Variants in OPCML observed in about 807,000 individuals in gnomAD.
OPCML encodes the protein opioid binding protein/cell adhesion molecule like, also known as opioid-binding protein/cell adhesion molecule.
A neutral mutation model predicts 37.8 loss-of-function variants in OPCML; 13 were observed. That is an observed-to-expected ratio of 0.34 (90% confidence interval 0.22 to 0.55). The LOEUF (loss-of-function observed/expected upper bound fraction) is 0.55. Among genes scored for constraint, OPCML ranks in the 20% least tolerant of loss-of-function variants. The probability of loss-of-function intolerance (pLI) is 0.91; values close to 1 mark genes in which losing one functional copy is unlikely to be tolerated. For synonymous variants in OPCML, 176 were observed against 168.8 expected (o/e 1.04, Z -0.33); for missense variants, 341 against 435.6 (o/e 0.78, Z 1.93).
chr11:133,218,535 G>A (rs1540560), intron 1 of OPCML, among the ~76,000 whole-genome samples: 32,575 of 152,076 alleles, frequency 0.21, 3,977 homozygotes, highest in East Asian at 0.35. Flanking sequence ...AAACAAAGAC[G>A]GTGAACTAGT....
chr11:133,503,350 G>C (rs1947957321), intron 1 of OPCML, among the ~76,000 whole-genome samples: 1 of 152,114 alleles, frequency 6.6e-6, no homozygotes, highest in Admixed American at 6.5e-5. Context: ...GAAACATGCA[G>C]GGTCAGCGGA....
intron 3 of OPCML, among the ~76,000 whole-genome samples, chr11:132,552,501 GTTTGT>G (rs1236065360): frequency 6.6e-6 from 1 of 152,066 alleles, no homozygotes. Context: ...GTTATTGTTT[GTTTGT>G]TTTGTTTGAC....
intron 3 of OPCML, among the ~76,000 whole-genome samples, chr11:132,557,081 C>G (rs1591546465): frequency 6.6e-6 from 1 of 152,152 alleles, no homozygotes; most frequent in South Asian, 2.1e-4. Context: ...TATTCTTACC[C>G]TAGTTGACTG....
intron 1 of OPCML, among the ~76,000 whole-genome samples, chr11:133,145,998 T>A (rs1052093445): frequency 2.6e-5 from 4 of 152,202 alleles, no homozygotes; most frequent in Non-Finnish European, 5.9e-5. Flanking sequence ...GGTAGCCCTG[T>A]GATAATGTCT....
chr11:133,217,746 G>A (rs926516204), intron 1 of OPCML, among the ~76,000 whole-genome samples: 4 of 152,134 alleles, frequency 2.6e-5, no homozygotes, highest in African/African-American at 9.7e-5. Flanking sequence ...TCAATACCAG[G>A]TTCCTGCCAA....
intron 1 of OPCML, among the ~76,000 whole-genome samples, chr11:133,135,223 A>G (rs1949669197): frequency 6.6e-6 from 1 of 152,212 alleles, no homozygotes. Context: ...ATAACAATAA[A>G]TAACAGCTGA....
chr11:133,467,926 A>T (rs748000589), intron 1 of OPCML, among the ~76,000 whole-genome samples: 2 of 152,190 alleles, frequency 1.3e-5, no homozygotes, highest in Non-Finnish European at 2.9e-5. Flanking sequence ...TCATTTGTAT[A>T]ATAGGAGATC....
At chr11:133,223,860 C>T (rs993912282) in intron 1 of OPCML, among the ~76,000 whole-genome samples, 2 of 152,324 alleles carry the variant, frequency 1.3e-5, no homozygotes, top group African/African-American at 4.8e-5. Context: ...ACATCTGACC[C>T]ACCAGCTCCT....
chr11:133,046,052 GA>G (rs1399732139), intron 1 of OPCML, among the ~76,000 whole-genome samples: 1 of 152,162 alleles, frequency 6.6e-6, no homozygotes, highest in African/African-American at 2.4e-5. Context: ...AGTTGCGACT[GA>G]AAGCTGAGGT....
chr11:133,328,157 ATTTT>A (rs533894891), intron 1 of OPCML, among the ~76,000 whole-genome samples: 1 of 138,270 alleles, frequency 7.2e-6, no homozygotes. Flanking sequence ...GTGTGTTTTA[ATTTT>A]TTTTTTTTTT....
chr11:132,813,481 A>G (rs916439748), intron 2 of OPCML, among the ~76,000 whole-genome samples: 11 of 152,200 alleles, frequency 7.2e-5, no homozygotes, highest in Non-Finnish European at 1.5e-4. Flanking sequence ...GGACACTACC[A>G]ATGCAAGAGA....
intron 1 of OPCML, among the ~76,000 whole-genome samples, chr11:133,122,653 T>G (rs563647658): frequency 1.1e-4 from 16 of 152,106 alleles, no homozygotes; most frequent in African/African-American, 3.9e-4. Context: ...AAAATATACT[T>G]CCCCTCCCTA....
intron 1 of OPCML, among the ~76,000 whole-genome samples, chr11:133,451,102 T>C (rs550679508): frequency 6.6e-6 from 1 of 151,770 alleles, no homozygotes; most frequent in Non-Finnish European, 1.5e-5. Flanking sequence ...AACTCAAAAA[T>C]AGTTGTAAAA....
intron 2 of OPCML, among the ~76,000 whole-genome samples, chr11:132,766,833 G>T (rs887480924): frequency 8.6e-5 from 13 of 151,950 alleles, no homozygotes; most frequent in African/African-American, 3.1e-4. Context: ...TAGCAAAAAT[G>T]GAAAATTCTG....
At chr11:133,342,439 A>G (rs1456337574) in intron 1 of OPCML, among the ~76,000 whole-genome samples, 2 of 152,190 alleles carry the variant, frequency 1.3e-5, no homozygotes, top group Non-Finnish European at 2.9e-5. Context: ...CTACCTGTAC[A>G]TAGAGCAGGG....
chr11:132,701,951 C>T (rs961056339), intron 2 of OPCML, among the ~76,000 whole-genome samples: 5 of 152,092 alleles, frequency 3.3e-5, no homozygotes, highest in African/African-American at 7.2e-5. Flanking sequence ...ATACGAAATT[C>T]TACACTTTAA....
Position 133,073,298 on chromosome 11 carries a change from C to T in OPCML, c.62-130288G>A, listed in dbSNP as rs368595841. On this transcript the variant is annotated intron_variant, in intron 1 of 7. Transcript: ENST00000524381. ...GTGAGGGGCTCTCGGTTTGCACCTG[C>T]GAGGAGCTCACCATGGCAGCATTGG... is the stretch of plus-strand genomic sequence containing the variant. Among the ~76,000 whole-genome samples the T allele has an allele frequency of 1.3e-3, 201 of 152,240 alleles. 4 individuals carry two copies. The South Asian group carries it at 0.04, about 30-fold the overall frequency.
At chr11:132,553,268 T>A (rs2096386582) in intron 3 of OPCML, among the ~76,000 whole-genome samples, 1 of 152,206 alleles carries the variant, frequency 6.6e-6, no homozygotes, top group African/African-American at 2.4e-5. Context: ...AACAGATGGA[T>A]CGTGGCTTAT....
chr11:132,704,879 A>G (rs1386743682), intron 2 of OPCML, among the ~76,000 whole-genome samples: 2 of 152,242 alleles, frequency 1.3e-5, no homozygotes, highest in Middle Eastern at 3.2e-3. Context: ...GAGACTAAAT[A>G]ATAAAGTAAA....
Sources: allele counts gnomAD v4.1 joint callset (sites outside exome capture counted in the v4.1 genomes callset), GRCh38; gene constraint gnomAD v4.1.1; transcripts MANE v1.5; gene names NCBI Gene and HGNC (gene_info 2026-07-23, HGNC 2026-07-21).